CGREF1: variants seen among roughly 807,000 people sequenced by gnomAD.
CGREF1 encodes the protein cell growth regulator with EF hand domain protein 1.
Under a neutral mutation model 17.4 loss-of-function variants are expected in CGREF1, and 16 were observed. That is an observed-to-expected ratio of 0.92 (90% confidence interval 0.62 to 1.40). The LOEUF (loss-of-function observed/expected upper bound fraction) is 1.40. Among genes scored for constraint, CGREF1 ranks in the 40% most tolerant of loss-of-function variants. The pLI, the probability that CGREF1 is intolerant of heterozygous loss-of-function variation, is 0.00. For missense variants in CGREF1, 296 were observed against 376.4 expected, an observed-to-expected ratio of 0.79 and a Z score of 1.77; for synonymous variants, 142 against 154.6, an observed-to-expected ratio of 0.92 and a Z score of 0.61.
intron 1 of CGREF1, among the ~76,000 whole-genome samples, chr2:27,109,363 C>T (rs1241723817): frequency 7.7e-6 from 1 of 129,842 alleles, no homozygotes; most frequent in Admixed American, 7.8e-5. Context: ...CAGAGCAAGA[C>T]CCTGTCTTAA....
At chr2:27,099,571 T>C, downstream of CGREF1, 3 of 1,614,108 alleles carry the variant, frequency 1.9e-6, no homozygotes, top group Non-Finnish European at 2.5e-6. Context: ...CTTCAGCCTC[T>C]CCCAGGGTGA....
At chr2:27,111,633 C>G (rs1004811822) in intron 1 of CGREF1, among the ~76,000 whole-genome samples, 2 of 152,188 alleles carry the variant, frequency 1.3e-5, no homozygotes, top group African/African-American at 4.8e-5. Flanking sequence ...GCATGGCGGG[C>G]TGCAGGTCTC....
At chr2:27,111,646 G>A (rs1671389884) in intron 1 of CGREF1, among the ~76,000 whole-genome samples, 1 of 152,212 alleles carries the variant, frequency 6.6e-6, no homozygotes, top group Non-Finnish European at 1.5e-5. Context: ...CAGGTCTCGA[G>A]CCCTGCCCCG....
At position 27,101,621 on chromosome 2, in the gene CGREF1, G is replaced by A; in HGVS notation, c.610C>T (p.Pro204Ser). The A allele has an allele frequency of 1.9e-6, 3 of 1,614,052 alleles. No homozygotes were observed. Among genetic ancestry groups the A allele is most frequent in the Middle Eastern group, 1.6e-4 (1 of 6,062 alleles). ...QVEARRESLDPVQEPGGQAEA... is the reference protein window; with the variant it reads ...QVEARRESLDSVQEPGGQAEA... The stretch of plus-strand genomic sequence containing the variant: ...GCCTGGCCCCCAGGCTCCTGGACAG[G>A]ATCCAAAGACTCCCTTCTGGCCTCT... The change falls in exon 6 of 6, where the codon CCT becomes TCT. Residue 204 changes from proline (P) to serine (S), a missense_variant. This residue lies in a region of CGREF1 where 247 missense variants were observed against 267.2 expected (regional missense o/e 0.92). Transcript: ENST00000402394.
chr2:27,105,831 G>A (rs973119799), intron 1 of CGREF1, among the ~76,000 whole-genome samples: 4 of 152,232 alleles, frequency 2.6e-5, no homozygotes, highest in Non-Finnish European at 4.4e-5. Flanking sequence ...ACAGGCGTGA[G>A]GCACTGCACT....
rs1670940338 is a variant in CGREF1 at position 27,102,549 on chromosome 2, G to A, written c.123C>T (p.Phe41=). The change falls in exon 3 of 6, where the codon TTC becomes TTT. Residue 41 remains phenylalanine, a synonymous_variant. Coordinates refer to ENST00000402394, the MANE Select transcript of CGREF1 (RefSeq NM_006569.6). The stretch of plus-strand genomic sequence containing the variant: ...ACCCGAGCTGCTCCTGGCCTGGCTG[G>A]AAGGGGTTGGGCAGGAGCTGATGCT... The part of the protein sequence containing the change: ...EVQHQLLPNP[F]QPGQEQLGLL... 1 of 1,613,970 alleles carries A rather than the reference G, an allele frequency of 6.2e-7. No individual in the cohort carries two copies. Among genetic ancestry groups the A allele is most frequent in the Non-Finnish European group, 8.5e-7 (1 of 1,179,970 alleles).
At chr2:27,113,058 G>A (rs1470521962) in intron 1 of CGREF1, among the ~76,000 whole-genome samples, 1 of 152,216 alleles carries the variant, frequency 6.6e-6, no homozygotes, top group Non-Finnish European at 1.5e-5. Context: ...TGCCTACAGG[G>A]TGCCTGGGAG....
intron 1 of CGREF1, among the ~76,000 whole-genome samples, chr2:27,105,633 A>AC (rs748659182): frequency 1.3e-5 from 2 of 151,404 alleles, no homozygotes; most frequent in African/African-American, 2.4e-5. Context: ...TGCAACCTCC[A>AC]CCTCCCTGGT....
At chr2:27,108,729 T>C (rs1671233089) in intron 1 of CGREF1, among the ~76,000 whole-genome samples, 1 of 152,200 alleles carries the variant, frequency 6.6e-6, no homozygotes, top group Admixed American at 6.5e-5. Flanking sequence ...ATATAGTATT[T>C]TAATGTGTTC....
intron 4 of CGREF1, 45 bp from the exon 5 acceptor site, chr2:27,102,266 G>A (rs1234284426): frequency 1.2e-6 from 2 of 1,611,042 alleles, no homozygotes; most frequent in Non-Finnish European, 1.7e-6. Flanking sequence ...CGGGGGAGGT[G>A]GAGAAGGCAG....
intron 2 of CGREF1, 111 bp downstream of exon 2, chr2:27,104,175 CG>C: frequency 9.4e-7 from 1 of 1,069,384 alleles, no homozygotes; most frequent in East Asian, 2.6e-5. Context: ...ATACAGAGAT[CG>C]GGGAACCTAC....
At chr2:27,107,616 C>T (rs530478534) in intron 1 of CGREF1, among the ~76,000 whole-genome samples, 13 of 150,908 alleles carry the variant, frequency 8.6e-5, no homozygotes, top group Non-Finnish European at 1.3e-4. Flanking sequence ...AAGAGTTTTC[C>T]GGCCAGCAAC....
intron 2 of CGREF1, among the ~76,000 whole-genome samples, chr2:27,103,555 G>A (rs1219025410): frequency 6.6e-6 from 1 of 151,734 alleles, no homozygotes; most frequent in East Asian, 2.0e-4. Context: ...TTTTATTTCT[G>A]TAGAGATGGG....
chr2:27,110,793 C>G (rs531441283), intron 1 of CGREF1: 2 of 152,944 alleles, frequency 1.3e-5, no homozygotes, highest in Non-Finnish European at 2.9e-5. Flanking sequence ...GGAGTTTGTT[C>G]CTTCTGATGT....
intron 4 of CGREF1, 65 bp from the exon 5 acceptor site, chr2:27,102,286 G>A (rs367824576): frequency 1.4e-5 from 23 of 1,612,380 alleles, no homozygotes; most frequent in East Asian, 8.9e-5. Context: ...GGAGTCAATG[G>A]GGCAGCCGAG....
chr2:27,100,714 G>GT lies in CGREF1; in HGVS notation c.*559dup, dbSNP rs2148375874. 1 of 1,121,966 alleles carries GT rather than the reference G, an allele frequency of 8.9e-7. No individual in the cohort carries two copies. The highest frequency in any genetic ancestry group is 1.1e-6 in the Non-Finnish European group (1 of 879,268). 69.5% of individuals were successfully genotyped at this position (1,121,966 alleles called of 1,614,324 possible). On this transcript the variant is annotated 3_prime_UTR_variant, in exon 6 of 6. Coordinates refer to ENST00000402394, the MANE Select transcript of CGREF1 (RefSeq NM_006569.6). ...AATTCTGCTTGGCTACAGAATTATT[G>GT]TGAGGATAAAATCATATATAAAATG... is the stretch of plus-strand genomic sequence containing the variant.
chr2:27,105,926 G>A (rs922188731), intron 1 of CGREF1, among the ~76,000 whole-genome samples: 12 of 152,182 alleles, frequency 7.9e-5, no homozygotes, highest in Admixed American at 6.6e-5. Context: ...ATAAGCCCCA[G>A]TAGCCAAAAA....
chr2:27,099,469 C>T (rs1225085709), downstream of CGREF1: 1 of 1,614,044 alleles, frequency 6.2e-7, no homozygotes, highest in Admixed American at 1.7e-5. Context: ...CGCCCTGGGC[C>T]CTGATGGCAA....
intron 1 of CGREF1, among the ~76,000 whole-genome samples, chr2:27,115,910 A>G (rs1194405918): frequency 1.3e-5 from 2 of 152,166 alleles, no homozygotes; most frequent in East Asian, 3.8e-4. Flanking sequence ...GTTATAGCCC[A>G]CCTCAAAAAT....
Sources: gnomAD v4.1 joint callset for allele counts (sites outside exome capture counted in the v4.1 genomes callset) on GRCh38, gnomAD v4.1.1 for gene constraint, gnomAD v4.1.1 regional missense constraint, MANE v1.5 for transcripts, NCBI Gene and HGNC (gene_info 2026-07-23, HGNC 2026-07-21) for gene names.